The following SNURF variants were observed in gnomAD, a reference collection of about 807,000 sequenced individuals.
The protein encoded by SNURF is SNURF protein.
In SNURF, 6 loss-of-function variants were observed where a neutral mutation model predicts 11.6. The observed-to-expected ratio is 0.52, with a 90% CI of 0.28 to 1.02. SNURF has a LOEUF of 1.02. Among genes scored for constraint, SNURF ranks in the 50% least tolerant of loss-of-function variants. The pLI, the probability that SNURF is intolerant of heterozygous loss-of-function variation, is 0.09. For synonymous variants in SNURF, 29 were observed against 31.6 expected (o/e 0.92, Z 0.27); for missense variants, 84 against 88.4 (o/e 0.95, Z 0.20).
chr15:24,965,279 T>A (rs1289618550), intron 2 of SNURF, among the ~76,000 whole-genome samples: 1 of 152,184 alleles, frequency 6.6e-6, no homozygotes, highest in African/African-American at 2.4e-5. Context: ...GGCTCACGCC[T>A]GTAATCCCAG....
At chr15:24,955,152 T>C in intron 1 of SNURF, 90 bp downstream of exon 1, 1 of 1,563,844 alleles carries the variant, frequency 6.4e-7, no homozygotes, top group Middle Eastern at 1.9e-4. Flanking sequence ...GGACTTGGAG[T>C]ACTGAATAAA....
At chr15:24,974,566 A>G in intron 3 of SNURF, 4 of 982,742 alleles carry the variant, frequency 4.1e-6, no homozygotes, top group Non-Finnish European at 1.7e-6. Context: ...ATAAGGATAC[A>G]TCCATGGATA....
chr15:24,961,520 G>A (rs1015617978), intron 1 of SNURF, among the ~76,000 whole-genome samples: 7 of 152,102 alleles, frequency 4.6e-5, no homozygotes, highest in African/African-American at 1.4e-4. Context: ...CATTTTATGA[G>A]GGGTTCTGCA....
chr15:24,961,852 T>A (rs987188140), intron 1 of SNURF, among the ~76,000 whole-genome samples: 1 of 152,000 alleles, frequency 6.6e-6, no homozygotes, highest in Non-Finnish European at 1.5e-5. Flanking sequence ...CAAATAGAGG[T>A]AGATATATTA....
chr15:24,957,116 C>A (rs1364047553), intron 1 of SNURF, among the ~76,000 whole-genome samples: 1 of 152,036 alleles, frequency 6.6e-6, no homozygotes, highest in Non-Finnish European at 1.5e-5. Flanking sequence ...TCTTTGATTT[C>A]CATTCGACAC....
At chr15:24,973,546 C>T (rs1362867029), downstream of SNURF, among the ~76,000 whole-genome samples, 1 of 151,994 alleles carries the variant, frequency 6.6e-6, no homozygotes, top group African/African-American at 2.4e-5. Context: ...TACAGGCACC[C>T]ACCACCATGC....
chr15:24,969,811 A>G (rs889085143), downstream of SNURF, among the ~76,000 whole-genome samples: 5 of 152,206 alleles, frequency 3.3e-5, no homozygotes, highest in African/African-American at 1.2e-4. Flanking sequence ...GGTTGGTAAT[A>G]TATCTGGACC....
At chr15:24,977,664 A>G (rs2153713469) in intron 6 of SNURF, 8 of 1,008,400 alleles carry the variant, frequency 7.9e-6, no homozygotes, top group Non-Finnish European at 1.1e-5. Flanking sequence ...TAATGAGAGA[A>G]GTACATTGCA....
At chr15:24,977,689 C>G (rs967207413) in intron 6 of SNURF, 3 of 1,274,376 alleles carry the variant, frequency 2.4e-6, no homozygotes, top group Non-Finnish European at 3.2e-6. Context: ...TTGTTTGTAA[C>G]TAATTGGTCA....
chr15:24,967,856 C>CTAGTT, intron 2 of SNURF, 76 bp from the exon 3 acceptor site: 1 of 1,127,690 alleles, frequency 8.9e-7, no homozygotes, highest in Non-Finnish European at 1.3e-6. Flanking sequence ...GTAAGGGTAC[C>CTAGTT]TAGTTTTCTT....
chr15:24,975,432 C>G (rs1566975531), exon 4 of SNURF: 9 of 1,613,028 alleles, frequency 5.6e-6, no homozygotes, highest in Non-Finnish European at 6.8e-6. Context: ...ATGGCCGAAT[C>G]TTCATTGGCA....
exon 5 of SNURF, chr15:24,976,397 A>C: frequency 1.2e-6 from 2 of 1,610,760 alleles, no homozygotes; most frequent in Non-Finnish European, 1.7e-6. Flanking sequence ...ATGACTGTGG[A>C]GGGGCCACCC....
intron 1 of SNURF, among the ~76,000 whole-genome samples, chr15:24,956,146 G>A (rs936497732): frequency 6.6e-6 from 1 of 152,184 alleles, no homozygotes; most frequent in African/African-American, 2.4e-5. Context: ...CTGGAATGAT[G>A]TGCAGAACTT....
downstream of SNURF, among the ~76,000 whole-genome samples, chr15:24,973,242 A>G (rs1425171545): frequency 6.6e-6 from 1 of 152,076 alleles, no homozygotes; most frequent in Non-Finnish European, 1.5e-5. Context: ...GGATAGTAAC[A>G]TGATATACAG....
downstream of SNURF, among the ~76,000 whole-genome samples, chr15:24,972,808 C>T (rs1004038009): frequency 1.9e-4 from 29 of 152,018 alleles, no homozygotes; most frequent in Admixed American, 1.4e-3. Context: ...TTAACAATTC[C>T]GTTCAACAAC....
At position 24,977,744 on chromosome 15, in the gene SNURF, A is replaced by G. The variant is rs775135585; in HGVS notation, c.*463-34A>G. On this transcript the variant is annotated intron_variant and NMD_transcript_variant, in intron 6 of 6. Coordinates refer to the SNURF transcript ENST00000580062. ...GTGTTTGAATAATGTGAAGGTTTGC[A>G]TCGCTTTGACTGTTTCCCGCCCTGC... 4.6e-5 allele frequency: 72 copies of G among 1,551,414 alleles called. No individual in the cohort carries two copies. The Admixed American group carries it at 6.3e-4, about 14-fold the overall frequency.
chr15:24,976,431 G>T lies in SNURF; in HGVS notation c.*309+15G>T, dbSNP rs768552152. ...CCCCCAAAGATGTAAGGAAGATGTA[G>T]GGCAGGACAGAACTTTAATTTGCAG... On this transcript the variant is annotated intron_variant and NMD_transcript_variant, in intron 5 of 6. Transcript: ENST00000580062. The T allele has an allele frequency of 3.3e-5, 51 of 1,533,810 alleles. 3 individuals carry two copies. In the South Asian group the frequency reaches 5.6e-4, roughly 17 times the overall value.
At chr15:24,964,575 G>C (rs2075346204) in intron 2 of SNURF, among the ~76,000 whole-genome samples, 1 of 152,160 alleles carries the variant, frequency 6.6e-6, no homozygotes, top group Non-Finnish European at 1.5e-5. Flanking sequence ...TAGGATTACA[G>C]GTGTGAGCCA....
At chr15:24,970,706 C>T (rs1019940247), downstream of SNURF, among the ~76,000 whole-genome samples, 7 of 152,074 alleles carry the variant, frequency 4.6e-5, no homozygotes, top group African/African-American at 9.7e-5. Context: ...GACTTTTAAA[C>T]GTTTTTGTTA....
Sources: allele counts gnomAD v4.1 joint callset (sites outside exome capture counted in the v4.1 genomes callset), GRCh38; gene constraint gnomAD v4.1.1; transcripts MANE v1.5; gene names NCBI Gene and HGNC (gene_info 2026-07-23, HGNC 2026-07-21).